The following ASXL1 variants were observed in gnomAD, a reference collection of about 807,000 sequenced individuals.
ASXL1 encodes ASXL transcriptional regulator 1, also known as polycomb group protein ASXL1.
A neutral mutation model predicts 89.1 loss-of-function variants in ASXL1; 65 were observed. That is an observed-to-expected ratio of 0.73 (90% CI 0.60 to 0.90). ASXL1 has a LOEUF of 0.90. Among genes scored for constraint, ASXL1 ranks in the 40% least tolerant of loss-of-function variants. The pLI, the probability that ASXL1 is intolerant of heterozygous loss-of-function variation, is 0.00. For missense variants in ASXL1, 1,786 were observed against 1,942.9 expected (o/e 0.92, Z 1.52); for synonymous variants, 739 against 746.9 (o/e 0.99, Z 0.17).
rs1196015590 is a variant in ASXL1, at chr20:32,436,934, T to C, written c.4222T>C (p.Leu1408=). The change falls in exon 13 of 13, where the codon TTG becomes CTG. Residue 1408 remains leucine, a synonymous_variant. Coordinates refer to ENST00000375687, the MANE Select transcript of ASXL1 (RefSeq NM_015338.6). Reference sequence around the variant, plus strand: ...GGAAGGGATGCCCTTTGTCATGGACTTGCCCTTCTGGAAATTACCCCGAGA... The same window carrying C: ...GGAAGGGATGCCCTTTGTCATGGACCTGCCCTTCTGGAAATTACCCCGAGA... ...HLEGMPFVMD[L]PFWKLPREPG... 6.2e-7 allele frequency: 1 copy of C among 1,614,224 alleles called. No homozygotes were observed. Among genetic ancestry groups the C allele is most frequent in the Non-Finnish European group, 8.5e-7 (1 of 1,180,046 alleles).
chr20:32,420,923 C>T (rs1291142511), intron 4 of ASXL1, among the ~76,000 whole-genome samples: 2 of 152,186 alleles, frequency 1.3e-5, no homozygotes, highest in South Asian at 2.1e-4. Flanking sequence ...TTTGCAGGGA[C>T]GTGGATGAAG....
chr20:32,433,021 T>G, intron 11 of ASXL1, 36 bp downstream of exon 11: 1 of 1,610,526 alleles, frequency 6.2e-7, no homozygotes, highest in Non-Finnish European at 8.5e-7. Flanking sequence ...TGGTCTGGGG[T>G]TTTGAGGGGA....
At chr20:32,427,038 C>T (rs921663358) in intron 4 of ASXL1, 7 of 152,076 alleles carry the variant, frequency 4.6e-5, no homozygotes, top group Non-Finnish European at 1.0e-4. Flanking sequence ...AACTCTTTTT[C>T]ACATACTTTT....
intron 8 of ASXL1, chr20:32,430,688 T>G (rs2011488890): frequency 4.3e-6 from 1 of 233,580 alleles, no homozygotes; most frequent in African/African-American, 2.2e-5. Context: ...TTCTGAGAAT[T>G]AGAGTAAACC....
chr20:32,435,571 T>C lies in ASXL1; in HGVS notation c.2859T>C (p.Leu953=). 6.2e-7 allele frequency: 1 copy of C among 1,614,072 alleles called. No homozygotes were observed. Among genetic ancestry groups the C allele is most frequent in the Non-Finnish European group, 8.5e-7 (1 of 1,180,036 alleles). ...CAGCTGAGGAGGGTCTAGATCCTCT[T>C]GACAGCCTTACTTCACTCTGGACTG... ...DLTAEEGLDP[L]DSLTSLWTVP... is the part of the protein sequence containing the mutation. Residue 953 remains leucine (L), a synonymous_variant, in exon 13 of 13, where the codon CTT becomes CTC. Transcript: ENST00000375687.
intron 4 of ASXL1, among the ~76,000 whole-genome samples, chr20:32,394,840 A>G (rs1045569262): frequency 6.6e-6 from 1 of 151,804 alleles, no homozygotes; most frequent in African/African-American, 2.4e-5. Context: ...CAGCCTCCTG[A>G]GTAGCTGGGA....
At chr20:32,421,755 A>G (rs1319831605) in intron 4 of ASXL1, among the ~76,000 whole-genome samples, 3 of 152,148 alleles carry the variant, frequency 2.0e-5, no homozygotes, top group African/African-American at 7.2e-5. Context: ...ACAAAAGAAT[A>G]TATATGTATG....
chr20:32,389,958 T>C (rs1254441628), intron 4 of ASXL1, among the ~76,000 whole-genome samples: 4 of 152,264 alleles, frequency 2.6e-5, no homozygotes, highest in African/African-American at 4.8e-5. Flanking sequence ...TTTGGTATTT[T>C]AACAGTGCTA....
intron 4 of ASXL1, among the ~76,000 whole-genome samples, chr20:32,380,485 C>G (rs556463362): frequency 6.6e-6 from 1 of 152,136 alleles, no homozygotes; most frequent in African/African-American, 2.4e-5. Context: ...GGTGTGGTGT[C>G]TTACGCCTGT....
chr20:32,367,667 T>C (rs1031487039), intron 2 of ASXL1, 60 bp from the exon 3 acceptor site: 7 of 779,756 alleles, frequency 9.0e-6, no homozygotes, highest in Non-Finnish European at 1.7e-5. Context: ...ATTTTTGTTT[T>C]TATGGGCTAT....
Position 32,369,045 on chromosome 20 carries a change from T to C in ASXL1, c.174T>C (p.Ala58=), listed in dbSNP as rs750018890. The change falls in exon 4 of 13, where the codon GCT becomes GCC. Residue 58 remains alanine, a synonymous_variant. Coordinates refer to ENST00000375687, the MANE Select transcript of ASXL1 (RefSeq NM_015338.6). Reference sequence around the variant, plus strand: ...CTTCCCCTCTCGCATGCCTCAATGCTATGCTACATTCCAATTCAAGAGGAG... The same window carrying C: ...CTTCCCCTCTCGCATGCCTCAATGCCATGCTACATTCCAATTCAAGAGGAG... ...SGTSPLACLN[A]MLHSNSRGGE... 4.3e-6 allele frequency: 7 copies of C among 1,614,008 alleles called. No individual in the cohort carries two copies. The highest frequency in any genetic ancestry group is 5.9e-6 in the Non-Finnish European group (7 of 1,179,968).
intron 4 of ASXL1, among the ~76,000 whole-genome samples, chr20:32,410,494 A>G (rs1359167832): frequency 6.6e-6 from 1 of 152,192 alleles, no homozygotes; most frequent in East Asian, 1.9e-4. Context: ...ACAATAACTA[A>G]GAATAAAATA....
At chr20:32,411,006 TG>T (rs1209265326) in intron 4 of ASXL1, among the ~76,000 whole-genome samples, 1 of 118,836 alleles carries the variant, frequency 8.4e-6, no homozygotes, top group African/African-American at 3.3e-5. Flanking sequence ...CACTCCAGCC[TG>T]GGCAACAGAA....
At chr20:32,410,210 A>C (rs1721868218) in intron 4 of ASXL1, among the ~76,000 whole-genome samples, 1 of 152,244 alleles carries the variant, frequency 6.6e-6, no homozygotes, top group Admixed American at 6.5e-5. Flanking sequence ...TTTCAAGACC[A>C]GTGGGTGCCT....
intron 4 of ASXL1, among the ~76,000 whole-genome samples, chr20:32,402,228 CCCCT>C: frequency 6.6e-6 from 1 of 152,272 alleles, no homozygotes; most frequent in East Asian, 1.9e-4. Flanking sequence ...GCATTTCTCC[CCCCT>C]AAATTACAAA....
rs2123254996 is a variant in ASXL1 at position 32,433,390 on chromosome 20, G to A, written c.1192G>A (p.Gly398Ser). The A allele has an allele frequency of 1.2e-6, 2 of 1,614,200 alleles. No homozygotes were observed. Among genetic ancestry groups the A allele is most frequent in the East Asian group, 2.2e-5 (1 of 44,890 alleles). The change falls in exon 12 of 13, where the codon GGT (glycine) becomes AGT (serine). Residue 398 changes from glycine to serine, a missense_variant. Physicochemically the swap from Gly to Ser is moderately conservative, Grantham distance 56 (BLOSUM62 0). Coordinates refer to ENST00000375687, the MANE Select transcript of ASXL1 (RefSeq NM_015338.6). Reference sequence around the variant, plus strand: ...AGGAGAATCAGTGCGTATACAGCGTGGTCCAGCCACCCGACAGCGAGATGG... The same window carrying A: ...AGGAGAATCAGTGCGTATACAGCGTAGTCCAGCCACCCGACAGCGAGATGG... ...VPGESVRIQR[G>S]PATRQRDGHF...
At chr20:32,380,281 T>G (rs973226809) in intron 4 of ASXL1, among the ~76,000 whole-genome samples, 4 of 151,858 alleles carry the variant, frequency 2.6e-5, no homozygotes, top group Non-Finnish European at 4.4e-5. Flanking sequence ...ACTCCGTCCC[T>G]CCCATAAAAA....
At chr20:32,372,080 G>A in intron 4 of ASXL1, 1 of 1,335,814 alleles carries the variant, frequency 7.5e-7, no homozygotes, top group Non-Finnish European at 9.9e-7. Flanking sequence ...ATTTGTGTTT[G>A]TAATTTGGCT....
chr20:32,437,880 G>A lies in ASXL1; in HGVS notation c.*542G>A. On this transcript the variant is annotated 3_prime_UTR_variant, in exon 13 of 13. Transcript: ENST00000375687. ...AGGGTCACAGTTGAGTCATTTGCCAGTTGACGGAGCAAGTTTGACCTTGGT... is the reference window on the plus strand; with the variant it reads ...AGGGTCACAGTTGAGTCATTTGCCAATTGACGGAGCAAGTTTGACCTTGGT... 8.3e-6 allele frequency: 2 copies of A among 241,094 alleles called. No homozygotes were observed. Among genetic ancestry groups the A allele is most frequent in the Non-Finnish European group, 1.6e-5 (2 of 122,630 alleles). The allele number at this position is 241,094 out of a possible 1,614,324, so 14.9% of individuals were successfully genotyped here.
Sources: gnomAD v4.1 joint callset for allele counts (sites outside exome capture counted in the v4.1 genomes callset) on GRCh38, gnomAD v4.1.1 for gene constraint, MANE v1.5 for transcripts, NCBI Gene and HGNC (gene_info 2026-07-23, HGNC 2026-07-21) for gene names.